The following SPPL3 variants were observed in gnomAD, a reference collection of about 807,000 sequenced individuals.
The protein encoded by SPPL3 is signal peptide peptidase-like 3.
A neutral mutation model predicts 42.4 loss-of-function variants in SPPL3; 5 were observed. The observed-to-expected ratio is 0.12, with a 90% CI of 0.06 to 0.25. SPPL3 has a LOEUF of 0.25. Among genes scored for constraint, SPPL3 ranks in the 10% least tolerant of loss-of-function variants. SPPL3 has a pLI of 1.00. For missense variants in SPPL3, 235 were observed against 489.0 expected (o/e 0.48, Z 4.90); for synonymous variants, 195 against 181.8 (o/e 1.07, Z -0.58).
rs1314233844 is a variant in SPPL3 at position 120,852,777 on chromosome 12, A to G, written c.24-41891T>C. Reference sequence around the variant, plus strand: ...TATTATATCTATGTATATTATATATAAAATATATTTCATATATCATATATA... The same window carrying G: ...TATTATATCTATGTATATTATATATGAAATATATTTCATATATCATATATA... On this transcript the variant is annotated intron_variant, in intron 1 of 10. Coordinates refer to ENST00000353487, the MANE Select transcript of SPPL3 (RefSeq NM_139015.5). Among the ~76,000 whole-genome samples, 170 of 136,898 alleles carry G rather than the reference A, an allele frequency of 1.2e-3. 4 individuals are homozygous for G. The highest frequency in any genetic ancestry group is 7.0e-3 in the East Asian group (34 of 4,856). The allele number at this position is 136,898 out of a possible 152,430, so 89.8% of individuals were successfully genotyped here.
At chr12:120,794,175 C>T (rs1711932114) in intron 2 of SPPL3, among the ~76,000 whole-genome samples, 1 of 152,178 alleles carries the variant, frequency 6.6e-6, no homozygotes, top group South Asian at 2.1e-4. Flanking sequence ...GTATTCTTTA[C>T]TCTGAAAGCT....
intron 1 of SPPL3, among the ~76,000 whole-genome samples, chr12:120,849,890 T>C (rs1488246610): frequency 2.0e-5 from 3 of 152,204 alleles, no homozygotes; most frequent in Non-Finnish European, 4.4e-5. Context: ...GAAGTATTTC[T>C]ACTGGAAAAT....
At chr12:120,876,877 A>G (rs1400747226) in intron 1 of SPPL3, among the ~76,000 whole-genome samples, 1 of 151,802 alleles carries the variant, frequency 6.6e-6, no homozygotes, top group African/African-American at 2.4e-5. Context: ...CGTGATAAAC[A>G]TGAGTGCAGA....
chr12:120,874,467 AAAAG>A (rs1837336460), intron 1 of SPPL3, among the ~76,000 whole-genome samples: 1 of 151,854 alleles, frequency 6.6e-6, no homozygotes, highest in South Asian at 2.1e-4. Context: ...AAAAAAAAAA[AAAAG>A]AATAAAAGAA....
In SPPL3 at chr12:120,798,405, A is replaced by T. The variant is rs187741804; in HGVS notation, c.102-6848T>A. ...CTGGCTCCTGAAAAACTTTTTCCTA[A>T]TTAGTTCCACAACAAACTAGATGTA... is the stretch of plus-strand genomic sequence containing the variant. On this transcript the variant is annotated intron_variant, in intron 2 of 10. Transcript: ENST00000353487. 2.2e-4 allele frequency among the ~76,000 whole-genome samples: 33 copies of T among 152,320 alleles called. No individual in the cohort carries two copies. The East Asian group carries it at 6.0e-3, about 28-fold the overall frequency.
intron 1 of SPPL3, among the ~76,000 whole-genome samples, chr12:120,829,590 T>C (rs1871334879): frequency 6.6e-6 from 1 of 151,332 alleles, no homozygotes; most frequent in African/African-American, 2.4e-5. Context: ...AGGGAGACTC[T>C]GCCTCAAAAA....
At position 120,764,727 on chromosome 12, in the gene SPPL3, C is replaced by T; in HGVS notation, c.*272G>A. 2.3e-6 allele frequency: 1 copy of T among 429,844 alleles called. No individual in the cohort carries two copies. The highest frequency in any genetic ancestry group is 3.4e-5 in the East Asian group (1 of 29,298). The allele number at this position is 429,844 out of a possible 1,614,324, so 26.6% of individuals were successfully genotyped here. On this transcript the variant is annotated 3_prime_UTR_variant, in exon 11 of 11. Coordinates refer to ENST00000353487, the MANE Select transcript of SPPL3 (RefSeq NM_139015.5). Reference sequence around the variant, plus strand: ...CAGAAGGTAACAGTCTGGTGCAGATCCATAAAAACGTGGGAGGAAGGCGCG... The same window carrying T: ...CAGAAGGTAACAGTCTGGTGCAGATTCATAAAAACGTGGGAGGAAGGCGCG...
intron 1 of SPPL3, among the ~76,000 whole-genome samples, chr12:120,818,261 T>C (rs1474480137): frequency 1.3e-5 from 2 of 152,186 alleles, no homozygotes; most frequent in African/African-American, 4.8e-5. Context: ...GTTAGCCAAA[T>C]GTATTGAAAA....
intron 1 of SPPL3, among the ~76,000 whole-genome samples, chr12:120,853,140 G>T (rs1160358803): frequency 4.0e-5 from 6 of 151,362 alleles, no homozygotes; most frequent in Non-Finnish European, 8.8e-5. Context: ...CAGGTGATCC[G>T]CCCGCCTCAG....
In SPPL3 at chr12:120,764,863, A is replaced by C; in HGVS notation, c.*136T>G. The C allele has an allele frequency of 1.1e-6, 1 of 921,982 alleles. No individual in the cohort carries two copies. Among genetic ancestry groups the C allele is most frequent in the Non-Finnish European group, 1.6e-6 (1 of 636,836 alleles). The allele number at this position is 921,982 out of a possible 1,614,324, so 57.1% of individuals were successfully genotyped here. A position where few individuals can be genotyped will look rare whatever the true frequency, so the allele number is the denominator to read the frequency against. ...TCTCCTGCAAACGAGCTCCCTTTAA[A>C]TGCCAAATCCAGTCACACGGCAGTT... On this transcript the variant is annotated 3_prime_UTR_variant, in exon 11 of 11. Transcript: ENST00000353487.
chr12:120,840,709 T>C (rs1197057880), intron 1 of SPPL3, among the ~76,000 whole-genome samples: 1 of 152,034 alleles, frequency 6.6e-6, no homozygotes, highest in African/African-American at 2.4e-5. Context: ...TGTGCGCCTG[T>C]AGTCCCAAGC....
chr12:120,902,090 G>C lies in SPPL3; in HGVS notation c.23+1755C>G, dbSNP rs1489166061. Reference sequence around the variant, plus strand: ...TTACCTTCATTTCTTACTCTGTCCAGAAGGAAGCTGAAATTGTAATCTTGT... The same window carrying C: ...TTACCTTCATTTCTTACTCTGTCCACAAGGAAGCTGAAATTGTAATCTTGT... On this transcript the variant is annotated intron_variant, in intron 1 of 10. Coordinates refer to ENST00000353487, the MANE Select transcript of SPPL3 (RefSeq NM_139015.5). The C allele has an allele frequency of 2.1e-5, 4 of 194,482 alleles. No homozygotes were observed. In the South Asian group the frequency reaches 5.3e-4, roughly 26 times the overall value. The allele number at this position is 194,482 out of a possible 1,614,324, so 12.0% of individuals were successfully genotyped here.
intron 1 of SPPL3, among the ~76,000 whole-genome samples, chr12:120,814,092 A>C (rs569017002): frequency 7.5e-4 from 114 of 152,018 alleles, no homozygotes; most frequent in African/African-American, 2.7e-3. Context: ...GGGATACACC[A>C]AAAAAAAGGT....
intron 1 of SPPL3, among the ~76,000 whole-genome samples, chr12:120,829,426 T>C (rs894058184): frequency 3.3e-5 from 5 of 151,550 alleles, no homozygotes; most frequent in Non-Finnish European, 7.4e-5. Flanking sequence ...TGAAACCCCG[T>C]CTCTACTAAA....
chr12:120,805,549 A>G (rs1401293434), intron 2 of SPPL3, among the ~76,000 whole-genome samples: 1 of 152,242 alleles, frequency 6.6e-6, no homozygotes, highest in African/African-American at 2.4e-5. Flanking sequence ...AGTCTTTCAG[A>G]ATTGAAAGCA....
intron 1 of SPPL3, 108 bp downstream of exon 1, chr12:120,903,720 ACCCCAACCCGCGCCCCC>A: frequency 1.8e-6 from 1 of 563,226 alleles, no homozygotes; most frequent in Non-Finnish European, 2.7e-6. Context: ...GGGGGCGTGC[ACCCCAACCCGCGCCCCC>A]CCCCCACGAC....
At chr12:120,862,824 G>A (rs1383209365) in intron 1 of SPPL3, among the ~76,000 whole-genome samples, 1 of 152,116 alleles carries the variant, frequency 6.6e-6, no homozygotes, top group Non-Finnish European at 1.5e-5. Flanking sequence ...GTTGAGGGAA[G>A]GGGTTATATT....
At chr12:120,887,370 CAACT>C (rs1873499298) in intron 1 of SPPL3, among the ~76,000 whole-genome samples, 1 of 152,226 alleles carries the variant, frequency 6.6e-6, no homozygotes, top group East Asian at 1.9e-4. Flanking sequence ...TAGTATTTTA[CAACT>C]AACTCCTCCA....
intron 1 of SPPL3, among the ~76,000 whole-genome samples, chr12:120,821,092 T>C (rs1297618800): frequency 1.3e-5 from 2 of 152,210 alleles, no homozygotes; most frequent in East Asian, 3.8e-4. Context: ...AGCAAATTCA[T>C]ATGAAAGAAA....
Sources: gnomAD v4.1 joint callset for allele counts (sites outside exome capture counted in the v4.1 genomes callset) on GRCh38, gnomAD v4.1.1 for gene constraint, MANE v1.5 for transcripts, NCBI Gene and HGNC (gene_info 2026-07-23, HGNC 2026-07-21) for gene names.